Variants in SLC30A8 observed in about 807,000 individuals in gnomAD.
SLC30A8 encodes proton-coupled zinc antiporter SLC30A8.
In SLC30A8, 27 loss-of-function variants were observed where a neutral mutation model predicts 36.9. That is an observed-to-expected ratio of 0.73 (90% confidence interval 0.54 to 1.01). The LOEUF (loss-of-function observed/expected upper bound fraction) is 1.01, where lower values mean the gene tolerates loss of function less well. Ranked by LOEUF, SLC30A8 falls within the 50% of genes least tolerant of loss-of-function variation. The pLI is 0.00. For missense variants in SLC30A8, 439 were observed against 452.0 expected (o/e 0.97, Z 0.26); for synonymous variants, 164 against 172.4 (o/e 0.95, Z 0.38).
At chr8:117,114,723 T>C (rs1260878082) in intron 2 of SLC30A8, among the ~76,000 whole-genome samples, 8 of 90,712 alleles carry the variant, frequency 8.8e-5, no homozygotes, top group African/African-American at 3.3e-4. Flanking sequence ...AAAGCCACTC[T>C]TGTAGGTTAT....
At position 117,175,832 on chromosome 8, in the gene SLC30A8, T is replaced by C. The variant is rs544750215; in HGVS notation, c.*3151T>C. ...AACAGCTGTTTCTCAGAGGAAGCAA[T>C]GGAGGCTTGCTGGGATAAAGGCATT... is the stretch of plus-strand genomic sequence containing the variant. On this transcript the variant is annotated 3_prime_UTR_variant, in exon 8 of 8. Transcript: ENST00000456015. 6.6e-6 allele frequency: 1 copy of C among 152,146 alleles called. No individual in the cohort carries two copies. Among genetic ancestry groups the C allele is most frequent in the African/African-American group, 2.4e-5 (1 of 41,548 alleles). 9.4% of individuals were successfully genotyped at this position (152,146 alleles called of 1,614,324 possible).
At chr8:117,125,628 G>T (rs1820871954) in intron 2 of SLC30A8, among the ~76,000 whole-genome samples, 1 of 151,928 alleles carries the variant, frequency 6.6e-6, no homozygotes, top group African/African-American at 2.4e-5. Flanking sequence ...CCAGGTGGTT[G>T]TGCCCTTTAC....
chr8:117,153,723 G>GGGGTGTGTGT (rs1554591091), intron 3 of SLC30A8, among the ~76,000 whole-genome samples: 5 of 146,910 alleles, frequency 3.4e-5, no homozygotes, highest in South Asian at 4.4e-4. Flanking sequence ...CATGATAAGG[G>GGGGTGTGTGT]GTGTGTGTGT....
chr8:117,000,218 G>C (rs148230939), intron 1 of SLC30A8, among the ~76,000 whole-genome samples: 1 of 152,302 alleles, frequency 6.6e-6, no homozygotes, highest in Non-Finnish European at 1.5e-5. Flanking sequence ...TGAGAGTCAA[G>C]ACTGGGGCCA....
At chr8:117,112,074 G>T (rs745711382) in intron 2 of SLC30A8, among the ~76,000 whole-genome samples, 2 of 152,026 alleles carry the variant, frequency 1.3e-5, no homozygotes, top group South Asian at 4.1e-4. Flanking sequence ...CATTTCTTCC[G>T]TCTCTATTTC....
At chr8:117,107,994 C>T (rs1820068074) in intron 2 of SLC30A8, among the ~76,000 whole-genome samples, 2 of 152,052 alleles carry the variant, frequency 1.3e-5, no homozygotes, top group South Asian at 4.1e-4. Flanking sequence ...AGTATAAGGT[C>T]CCCAATTTTT....
chr8:117,040,446 C>T (rs529433202), intron 2 of SLC30A8, among the ~76,000 whole-genome samples: 91 of 152,136 alleles, frequency 6.0e-4, no homozygotes, highest in Middle Eastern at 3.2e-3. Flanking sequence ...TTGTACTTAG[C>T]CAAGATGCAC....
At chr8:117,015,867 T>C (rs531787207) in intron 1 of SLC30A8, among the ~76,000 whole-genome samples, 3 of 152,122 alleles carry the variant, frequency 2.0e-5, no homozygotes, top group Non-Finnish European at 2.9e-5. Flanking sequence ...ACCTGGTACA[T>C]TGGGGAGAGC....
At chr8:117,044,287 CG>C (rs1331195320) in intron 2 of SLC30A8, among the ~76,000 whole-genome samples, 10 of 152,138 alleles carry the variant, frequency 6.6e-5, no homozygotes, top group African/African-American at 2.2e-4. Context: ...ACTAGTAAAT[CG>C]GTAACATTGT....
intron 1 of SLC30A8, among the ~76,000 whole-genome samples, chr8:117,136,977 A>G (rs956379205): frequency 6.6e-6 from 1 of 152,048 alleles, no homozygotes; most frequent in Non-Finnish European, 1.5e-5. Context: ...TTTACCATGT[A>G]GGAAACTGAA....
In SLC30A8 at chr8:116,982,404, G is replaced by A. The variant is rs1490151003; in HGVS notation, c.-266+31285G>A. 3.9e-5 allele frequency among the ~76,000 whole-genome samples: 6 copies of A among 152,114 alleles called. No individual in the cohort carries two copies. In the East Asian group the frequency reaches 9.6e-4, roughly 24 times the overall value. ...TGTAGGGAAACCAGTTTTACCATAG[G>A]CTGATTGATGGAAACAACAGTGATA... On this transcript the variant is annotated intron_variant, in intron 1 of 10. Coordinates refer to the SLC30A8 transcript ENST00000427715.
At position 116,953,483 on chromosome 8, in the gene SLC30A8, G is replaced by A. The variant is rs556029420; in HGVS notation, c.-266+2364G>A. ...TGTATAAATTTTCATTTCCTTTGAT[G>A]TTGATAATTACATTGCTTGTTCTGC... On this transcript the variant is annotated intron_variant, in intron 1 of 10. Transcript: ENST00000427715. Among the ~76,000 whole-genome samples, 4 of 152,174 alleles carry A rather than the reference G, an allele frequency of 2.6e-5. No individual in the cohort carries two copies. The East Asian group carries it at 7.7e-4, about 29-fold the overall frequency.
At chr8:117,168,111 GC>G (rs34604646) in intron 6 of SLC30A8, among the ~76,000 whole-genome samples, 51,876 of 151,892 alleles carry the variant, frequency 0.34, 10,667 homozygotes, top group African/African-American at 0.58. Flanking sequence ...TCTTCACCTG[GC>G]CCCCACCCTT....
intron 2 of SLC30A8, among the ~76,000 whole-genome samples, chr8:117,051,418 T>C (rs561254650): frequency 1.3e-5 from 2 of 152,314 alleles, no homozygotes; most frequent in Non-Finnish European, 2.9e-5. Context: ...TCATGGGAGA[T>C]GCTTGGGTCA....
At position 116,977,388 on chromosome 8, in the gene SLC30A8, C is replaced by T. The variant is rs188129746; in HGVS notation, c.-266+26269C>T. 6.8e-3 allele frequency among the ~76,000 whole-genome samples: 965 copies of T among 140,988 alleles called. 14 individuals are homozygous for T. Among genetic ancestry groups the T allele is most frequent in the African/African-American group, 0.024 (927 of 37,882 alleles). 92.5% of individuals were successfully genotyped at this position (140,988 alleles called of 152,430 possible). A position where few individuals can be genotyped will look rare whatever the true frequency, so the allele number is the denominator to read the frequency against. On this transcript the variant is annotated intron_variant, in intron 1 of 10. Coordinates refer to the SLC30A8 transcript ENST00000427715. ...CAGGATGGTATTGATCTCCTGACCT[C>T]GTGATTCGCCTGCCTCCACCTCCCA...
chr8:117,053,142 TGGCCTCGTGATCTGCC>T (rs900463012), intron 2 of SLC30A8, among the ~76,000 whole-genome samples: 5 of 152,182 alleles, frequency 3.3e-5, no homozygotes, highest in East Asian at 3.8e-4. Context: ...CTCGATCTCC[TGGCCTCGTGATCTGCC>T]GGCCTCGTGA....
At chr8:117,092,427 T>G (rs1819174693) in intron 2 of SLC30A8, among the ~76,000 whole-genome samples, 1 of 152,074 alleles carries the variant, frequency 6.6e-6, no homozygotes, top group Non-Finnish European at 1.5e-5. Flanking sequence ...AAAAAAACCC[T>G]TTGGATCTTA....
chr8:117,101,843 C>T (rs1819735750), intron 2 of SLC30A8, among the ~76,000 whole-genome samples: 1 of 152,170 alleles, frequency 6.6e-6, no homozygotes, highest in South Asian at 2.1e-4. Flanking sequence ...GGGATTTAGA[C>T]TGACTTCCTT....
Position 116,952,830 on chromosome 8 carries a change from C to T in SLC30A8, c.-266+1711C>T, listed in dbSNP as rs150473646. 2.3e-3 allele frequency among the ~76,000 whole-genome samples: 338 copies of T among 148,870 alleles called. 3 individuals are homozygous for T. The highest frequency in any genetic ancestry group is 8.1e-3 in the African/African-American group (325 of 39,908). On this transcript the variant is annotated intron_variant, in intron 1 of 10. Transcript: ENST00000427715. ...TTATAGATTTTAGACATTATGTCTTCCTATTATGACAAAGAAGAATTTTAT... is the reference window on the plus strand; with the variant it reads ...TTATAGATTTTAGACATTATGTCTTTCTATTATGACAAAGAAGAATTTTAT...
Sources: allele counts gnomAD v4.1 joint callset (sites outside exome capture counted in the v4.1 genomes callset), GRCh38; gene constraint gnomAD v4.1.1; transcripts MANE v1.5; gene names NCBI Gene and HGNC (gene_info 2026-07-23, HGNC 2026-07-21).